The following MOK variants were observed in gnomAD, a reference collection of about 807,000 sequenced individuals.
MOK encodes the protein MAPK/MAK/MRK overlapping kinase.
A neutral mutation model predicts 54.2 loss-of-function variants in MOK; 59 were observed. The observed-to-expected ratio is 1.09, with a 90% CI of 0.88 to 1.35. The LOEUF (loss-of-function observed/expected upper bound fraction) is 1.35. Among genes scored for constraint, MOK ranks in the 40% most tolerant of loss-of-function variants. The probability of loss-of-function intolerance (pLI) is 0.00; values close to 1 mark genes in which losing one functional copy is unlikely to be tolerated. For missense variants in MOK, 517 were observed against 526.2 expected (o/e 0.98, Z 0.17); for synonymous variants, 210 against 202.7 (o/e 1.04, Z -0.31).
intron 3 of MOK, 137 bp downstream of exon 3, chr14:102,265,686 T>G (rs962694425): frequency 3.2e-6 from 2 of 616,568 alleles, no homozygotes; most frequent in Admixed American, 6.0e-5. Flanking sequence ...AATAAAAATG[T>G]GATGTAAGAT....
intron 1 of MOK, among the ~76,000 whole-genome samples, chr14:102,292,617 T>G (rs556367690): frequency 7.2e-5 from 11 of 152,148 alleles, no homozygotes; most frequent in Non-Finnish European, 1.5e-4. Flanking sequence ...CTTCCTTCTG[T>G]GTGCACCTTG....
chr14:102,299,791 C>T (rs911909030), intron 1 of MOK, among the ~76,000 whole-genome samples: 1 of 152,116 alleles, frequency 6.6e-6, no homozygotes, highest in African/African-American at 2.4e-5. Flanking sequence ...GTCATGTTGC[C>T]CAGGCTGGTC....
At position 102,231,413 on chromosome 14, in the gene MOK, C is replaced by T; in HGVS notation, c.981+294G>A. ...ATAGAACCTGGCACCTGCATATGGT[C>T]ATCAGGACAGACACAAAAGTTCATG... On this transcript the variant is annotated intron_variant, in intron 10 of 11. Transcript: ENST00000361847. This position sits in a 1 kb window ranked among gnomAD's most constrained non-coding sequence, Gnocchi z 4.4. The T allele has an allele frequency of 3.3e-6, 1 of 304,990 alleles. No homozygotes were observed. Among genetic ancestry groups the T allele is most frequent in the Non-Finnish European group, 6.1e-6 (1 of 162,988 alleles). The allele number at this position is 304,990 out of a possible 1,614,324, so 18.9% of individuals were successfully genotyped here.
chr14:102,226,244 C>T (rs1597206790), downstream of MOK: 1 of 664,262 alleles, frequency 1.5e-6, no homozygotes, highest in African/African-American at 1.8e-5. The surrounding 1 kb of genome is among the most constrained non-coding windows in gnomAD (Gnocchi z 4.8). Flanking sequence ...CCGGTGTCTT[C>T]TTTAAGGTCA....
chr14:102,285,254 C>T (rs1482075408), intron 1 of MOK, among the ~76,000 whole-genome samples: 1 of 152,120 alleles, frequency 6.6e-6, no homozygotes, highest in Non-Finnish European at 1.5e-5. Flanking sequence ...CAAACCTGCA[C>T]CTGCACAAAG....
intron 2 of MOK, among the ~76,000 whole-genome samples, chr14:102,272,463 CAA>C (rs2068456282): frequency 6.6e-6 from 1 of 150,852 alleles, no homozygotes. Flanking sequence ...TGCAACACAG[CAA>C]GACTCCATCA....
intron 7 of MOK, among the ~76,000 whole-genome samples, chr14:102,242,989 G>C (rs2065832560): frequency 6.6e-6 from 1 of 152,086 alleles, no homozygotes; most frequent in Admixed American, 6.5e-5. Flanking sequence ...CTGCTGCAAG[G>C]CTTCATGGAC....
chr14:102,226,340 T>C (rs1312457361), downstream of MOK: 1 of 702,722 alleles, frequency 1.4e-6, no homozygotes, highest in African/African-American at 1.8e-5. The surrounding 1 kb of genome is among the most constrained non-coding windows in gnomAD (Gnocchi z 4.8). Context: ...CAGCAGAGGG[T>C]TGAGGGATGA....
intron 4 of MOK, among the ~76,000 whole-genome samples, chr14:102,259,368 CGT>C (rs1272436372): frequency 6.6e-6 from 1 of 152,088 alleles, no homozygotes; most frequent in Non-Finnish European, 1.5e-5. Flanking sequence ...CATCAATAAC[CGT>C]AAATAATTAG....
chr14:102,265,818 C>T lies in MOK; in HGVS notation c.212+5G>A. ...GATAACTTTTCAAGCTCCAAATATA[C>T]TTACAAAACCACTTCATGCAACATA... is the stretch of plus-strand genomic sequence containing the variant. On this transcript the variant is annotated splice_donor_5th_base_variant and intron_variant, in intron 3 of 11. Coordinates refer to ENST00000361847, the MANE Select transcript of MOK (RefSeq NM_014226.3). 1 of 1,610,398 alleles carries T rather than the reference C, an allele frequency of 6.2e-7. No individual in the cohort carries two copies. The highest frequency in any genetic ancestry group is 8.5e-7 in the Non-Finnish European group (1 of 1,177,136).
intron 1 of MOK, among the ~76,000 whole-genome samples, chr14:102,300,968 G>A (rs145826914): frequency 5.3e-4 from 81 of 152,150 alleles, no homozygotes; most frequent in African/African-American, 1.8e-3. Flanking sequence ...GTGGTGGTGC[G>A]CCTAAAATCC....
At chr14:102,274,018 C>T (rs1597480239) in intron 2 of MOK, among the ~76,000 whole-genome samples, 1 of 151,590 alleles carries the variant, frequency 6.6e-6, no homozygotes, top group Non-Finnish European at 1.5e-5. Flanking sequence ...AGTGCAGTGG[C>T]CCAATCTCCA....
intron 7 of MOK, chr14:102,247,404 G>A (rs2066175657): frequency 6.6e-6 from 1 of 152,142 alleles, no homozygotes; most frequent in Non-Finnish European, 1.5e-5. Context: ...CCTGCACCCT[G>A]GTTTTCCTCA....
At chr14:102,301,273 C>T (rs1022199005) in intron 1 of MOK, among the ~76,000 whole-genome samples, 2 of 152,008 alleles carry the variant, frequency 1.3e-5, no homozygotes, top group Non-Finnish European at 1.5e-5. Context: ...AATAGATAAC[C>T]GGAACAATGA....
At chr14:102,215,272 G>A in the MOK span, among the ~76,000 whole-genome samples, 52 of 152,284 alleles carry the variant, frequency 3.4e-4, 1 homozygote, top group African/African-American at 1.2e-3. Context: ...GTTGATTGGC[G>A]TTTCGGCTGA....
downstream of MOK, chr14:102,223,123 T>C: frequency 2.6e-6 from 1 of 392,024 alleles, no homozygotes; most frequent in Non-Finnish European, 4.5e-6. Flanking sequence ...AGAAATGGAG[T>C]TTTCTTGCTT....
At chr14:102,281,106 T>C (rs1486878198) in intron 2 of MOK, among the ~76,000 whole-genome samples, 2 of 152,114 alleles carry the variant, frequency 1.3e-5, no homozygotes, top group Non-Finnish European at 2.9e-5. Context: ...GGCAGATCAC[T>C]TGAGGTCAGG....
chr14:102,299,734 C>T (rs899163412), intron 1 of MOK, among the ~76,000 whole-genome samples: 12 of 152,044 alleles, frequency 7.9e-5, no homozygotes, highest in Admixed American at 7.9e-4. Context: ...CACAGGCATG[C>T]ACTGCCATGC....
chr14:102,222,337 C>T (rs1438802442), downstream of MOK, among the ~76,000 whole-genome samples: 2 of 152,246 alleles, frequency 1.3e-5, no homozygotes, highest in African/African-American at 2.4e-5. This position sits in a 1 kb window ranked among gnomAD's most constrained non-coding sequence, Gnocchi z 4.4. Context: ...CACCACCCAA[C>T]AAAGCAAGAA....
Sources: gnomAD v4.1 joint callset for allele counts (sites outside exome capture counted in the v4.1 genomes callset) on GRCh38, gnomAD v4.1.1 for gene constraint, Gnocchi (gnomAD v3.1) non-coding constraint, MANE v1.5 for transcripts, NCBI Gene and HGNC (gene_info 2026-07-23, HGNC 2026-07-21) for gene names.